Variants in MTA3 observed in about 807,000 individuals in gnomAD.
MTA3 encodes the protein metastasis-associated protein MTA3.
In MTA3, 34 loss-of-function variants were observed where a neutral mutation model predicts 83.5. That is an observed-to-expected ratio of 0.41 (90% confidence interval 0.31 to 0.54). MTA3 has a LOEUF of 0.54. Among genes scored for constraint, MTA3 ranks in the 20% least tolerant of loss-of-function variants. The pLI is 0.33. For synonymous variants in MTA3, 303 were observed against 252.7 expected (o/e 1.20, Z -1.89); for missense variants, 761 against 726.4 (o/e 1.05, Z -0.55).
At chr2:42,602,745 G>A (rs6544571) in intron 3 of MTA3, among the ~76,000 whole-genome samples, 114,643 of 152,040 alleles carry the variant, frequency 0.75, 43,580 homozygotes, top group South Asian at 0.88. Flanking sequence ...TTAGCAGGAT[G>A]TGAAGGGAAA....
intron 16 of MTA3, among the ~76,000 whole-genome samples, chr2:42,750,238 C>T (rs938477079): frequency 6.6e-6 from 1 of 152,198 alleles, no homozygotes; most frequent in African/African-American, 2.4e-5. Context: ...ATCCACCTGC[C>T]TTTGCCTCCC....
intron 11 of MTA3, among the ~76,000 whole-genome samples, chr2:42,699,286 C>T (rs1693651260): frequency 6.6e-6 from 1 of 152,144 alleles, no homozygotes; most frequent in Admixed American, 6.5e-5. Context: ...ACTGCAGCCT[C>T]AACCTCCTGG....
intron 2 of MTA3, among the ~76,000 whole-genome samples, chr2:42,503,649 C>T (rs558638240): frequency 3.9e-5 from 6 of 152,282 alleles, no homozygotes; most frequent in African/African-American, 1.4e-4. Flanking sequence ...TCAAGAATTT[C>T]CTTTTATTTC....
chr2:42,545,388 T>A (rs1001968627), intron 2 of MTA3, among the ~76,000 whole-genome samples: 1 of 151,212 alleles, frequency 6.6e-6, no homozygotes, highest in Non-Finnish European at 1.5e-5. Context: ...AAAAATAAAA[T>A]TAGAAGAAGA....
intron 2 of MTA3, among the ~76,000 whole-genome samples, chr2:42,548,203 G>T (rs1179344709): frequency 1.3e-5 from 2 of 152,174 alleles, no homozygotes; most frequent in African/African-American, 2.4e-5. Flanking sequence ...GCTGGCTCAT[G>T]CCTGGAATCC....
At chr2:42,588,931 G>A (rs1489322893) in intron 3 of MTA3, among the ~76,000 whole-genome samples, 1 of 152,032 alleles carries the variant, frequency 6.6e-6, no homozygotes, top group Non-Finnish European at 1.5e-5. Flanking sequence ...CCACAGGGAG[G>A]CTGTCTGTTA....
chr2:42,571,254 C>T (rs1248665498), intron 2 of MTA3, among the ~76,000 whole-genome samples: 1 of 151,268 alleles, frequency 6.6e-6, no homozygotes, highest in Admixed American at 6.6e-5. Context: ...AAAAAATTAG[C>T]TAGGCATGGT....
chr2:42,543,544 G>T (rs1040382677), intron 2 of MTA3, among the ~76,000 whole-genome samples: 7 of 152,064 alleles, frequency 4.6e-5, no homozygotes, highest in Non-Finnish European at 1.0e-4. Context: ...GAGAGCAGTG[G>T]CAATTATAGC....
At chr2:42,661,935 C>T (rs1464735644) in intron 8 of MTA3, among the ~76,000 whole-genome samples, 4 of 152,116 alleles carry the variant, frequency 2.6e-5, no homozygotes, top group Non-Finnish European at 4.4e-5. Flanking sequence ...ACCTCTGCCT[C>T]CTTTCAAGAG....
intron 2 of MTA3, among the ~76,000 whole-genome samples, chr2:42,513,516 C>T (rs536816690): frequency 6.6e-6 from 1 of 152,210 alleles, no homozygotes; most frequent in Non-Finnish European, 1.5e-5. Context: ...GTTAAAGCCT[C>T]CTGGCCAATA....
At chr2:42,604,338 C>G (rs996078835) in intron 3 of MTA3, among the ~76,000 whole-genome samples, 1 of 152,216 alleles carries the variant, frequency 6.6e-6, no homozygotes, top group Non-Finnish European at 1.5e-5. Flanking sequence ...CCACTGCGCC[C>G]GGCGTCCAGT....
intron 8 of MTA3, among the ~76,000 whole-genome samples, chr2:42,675,216 A>G (rs748846705): frequency 4.0e-5 from 6 of 151,688 alleles, no homozygotes; most frequent in Non-Finnish European, 8.8e-5. Context: ...GCTCACTGCA[A>G]CAGCCGCCTC....
At chr2:42,658,846 G>T (rs180799808) in intron 7 of MTA3, among the ~76,000 whole-genome samples, 1 of 151,748 alleles carries the variant, frequency 6.6e-6, no homozygotes, top group Admixed American at 6.6e-5. Context: ...AGGCCGAGGC[G>T]GGAGGATCAC....
intron 2 of MTA3, among the ~76,000 whole-genome samples, chr2:42,549,240 T>C (rs1676958691): frequency 7.5e-6 from 1 of 133,062 alleles, no homozygotes; most frequent in South Asian, 2.2e-4. Context: ...TATGTATACG[T>C]ATATAATATA....
chr2:42,722,666 G>A (rs1667509849), intron 15 of MTA3, among the ~76,000 whole-genome samples: 1 of 151,956 alleles, frequency 6.6e-6, no homozygotes, highest in South Asian at 2.1e-4. Context: ...TTCACAACCC[G>A]AGGCTCAGAG....
At chr2:42,591,243 A>C (rs999021755) in intron 3 of MTA3, among the ~76,000 whole-genome samples, 1 of 152,198 alleles carries the variant, frequency 6.6e-6, no homozygotes, top group Admixed American at 6.5e-5. Flanking sequence ...TTGTTTATCT[A>C]AACATATTTA....
At chr2:42,573,457 C>T (rs1487932463) in intron 2 of MTA3, among the ~76,000 whole-genome samples, 1 of 152,142 alleles carries the variant, frequency 6.6e-6, no homozygotes, top group African/African-American at 2.4e-5. Flanking sequence ...AGCAGTCCTC[C>T]TGCCTCAGCT....
At chr2:42,715,402 ACTAC>A (rs372856926) in intron 14 of MTA3, among the ~76,000 whole-genome samples, 2 of 119,162 alleles carry the variant, frequency 1.7e-5, no homozygotes, top group African/African-American at 6.7e-5. Flanking sequence ...CTTGCCACCA[ACTAC>A]TTTTTTTTTT....
intron 8 of MTA3, among the ~76,000 whole-genome samples, chr2:42,663,180 G>C (rs1044544814): frequency 6.6e-6 from 1 of 152,108 alleles, no homozygotes; most frequent in Admixed American, 6.5e-5. Flanking sequence ...TTATAACTGG[G>C]GATGTGGTCC....
Sources: allele counts gnomAD v4.1 joint callset (sites outside exome capture counted in the v4.1 genomes callset), GRCh38; gene constraint gnomAD v4.1.1; transcripts MANE v1.5; gene names NCBI Gene and HGNC (gene_info 2026-07-23, HGNC 2026-07-21).